The following FKTN variants were observed in gnomAD, a reference collection of about 807,000 sequenced individuals.
The protein encoded by FKTN is fukutin, also known as ribitol-5-phosphate transferase FKTN.
Under a neutral mutation model 58.6 loss-of-function variants are expected in FKTN, and 47 were observed. The ratio of observed to expected loss-of-function variants is 0.80; its 90% CI spans 0.63 to 1.02. The LOEUF (loss-of-function observed/expected upper bound fraction) is 1.02. Ranked by LOEUF, FKTN falls within the 50% of genes least tolerant of loss-of-function variation. FKTN has a pLI of 0.00. For missense variants in FKTN, 516 were observed against 537.3 expected (o/e 0.96, Z 0.39); for synonymous variants, 178 against 191.9 (o/e 0.93, Z 0.60).
At chr9:105,618,489 A>G (rs1048215405) in intron 9 of FKTN, among the ~76,000 whole-genome samples, 1 of 152,208 alleles carries the variant, frequency 6.6e-6, no homozygotes, top group African/African-American at 2.4e-5. Flanking sequence ...GTTTCTCATG[A>G]GTCATTTAAT....
intron 3 of FKTN, among the ~76,000 whole-genome samples, chr9:105,577,929 C>G (rs1842060128): frequency 6.6e-6 from 1 of 151,430 alleles, no homozygotes; most frequent in South Asian, 2.1e-4. Flanking sequence ...CTCTTTGAAG[C>G]AATTATGAAT....
chr9:105,578,909 G>A (rs1356173338), intron 3 of FKTN, among the ~76,000 whole-genome samples: 1 of 151,900 alleles, frequency 6.6e-6, no homozygotes, highest in African/African-American at 2.4e-5. Context: ...GAGAGTGTAT[G>A]TGTCAAGGAA....
At chr9:105,627,966 T>C (rs1433362138) in intron 10 of FKTN, among the ~76,000 whole-genome samples, 2 of 152,170 alleles carry the variant, frequency 1.3e-5, no homozygotes, top group African/African-American at 4.8e-5. Context: ...CCTAACGTGG[T>C]TGGAGAATTA....
intron 7 of FKTN, among the ~76,000 whole-genome samples, chr9:105,613,489 G>A (rs1373880634): frequency 6.6e-6 from 1 of 152,120 alleles, no homozygotes; most frequent in African/African-American, 2.4e-5. Flanking sequence ...CTACTATATT[G>A]TAAAAGAATT....
chr9:105,634,094 AG>A (rs1197931092), intron 10 of FKTN, among the ~76,000 whole-genome samples: 1 of 152,022 alleles, frequency 6.6e-6, no homozygotes, highest in Non-Finnish European at 1.5e-5. Flanking sequence ...CTTGATCCAA[AG>A]GATCTTTAAG....
chr9:105,569,150 C>G (rs116702766), intron 1 of FKTN, among the ~76,000 whole-genome samples: 3,842 of 151,946 alleles, frequency 0.025, 181 homozygotes, highest in African/African-American at 0.088. Context: ...GGGATGGGAG[C>G]AAGGGGGAGG....
intron 5 of FKTN, 61 bp downstream of exon 5, chr9:105,601,409 G>A: frequency 8.3e-7 from 1 of 1,202,652 alleles, no homozygotes; most frequent in South Asian, 1.3e-5. Context: ...TATAGGTTTA[G>A]GCTAGTTTAA....
chr9:105,619,875 G>C, intron 9 of FKTN, 59 bp from the exon 10 acceptor site: 1 of 1,445,582 alleles, frequency 6.9e-7, no homozygotes. Flanking sequence ...TTTAAAAAAA[G>C]GTTTTTAAAA....
chr9:105,576,463 C>T (rs1002150205), intron 3 of FKTN, among the ~76,000 whole-genome samples: 7 of 150,850 alleles, frequency 4.6e-5, no homozygotes, highest in East Asian at 3.9e-4. Flanking sequence ...TGATGATTTC[C>T]AATTTCATCC....
At position 105,639,301 on chromosome 9, in the gene FKTN, C is replaced by G; in HGVS notation, c.*4037C>G. 1.0e-6 allele frequency: 1 copy of G among 984,356 alleles called. No homozygotes were observed. Among genetic ancestry groups the G allele is most frequent in the African/African-American group, 1.7e-5 (1 of 57,330 alleles). The allele number at this position is 984,356 out of a possible 1,614,324, so 61.0% of individuals were successfully genotyped here. On this transcript the variant is annotated 3_prime_UTR_variant, in exon 11 of 11. Transcript: ENST00000357998. ...CTGGGCTAGATCACCTCTAACATCT[C>G]ACTCAGGGAAGGCAATGTGTTGCCA...
intron 6 of FKTN, among the ~76,000 whole-genome samples, chr9:105,605,205 CA>C (rs1231896886): frequency 6.6e-6 from 1 of 151,766 alleles, no homozygotes; most frequent in Non-Finnish European, 1.5e-5. Flanking sequence ...ATAATCATAC[CA>C]AAAAAGTTTA....
At chr9:105,575,921 G>A (rs1587872563) in intron 3 of FKTN, among the ~76,000 whole-genome samples, 1 of 152,084 alleles carries the variant, frequency 6.6e-6, no homozygotes, top group African/African-American at 2.4e-5. Context: ...CAGAAGCTTT[G>A]AATAGGCTGT....
chr9:105,569,269 C>T (rs993274715), intron 1 of FKTN, among the ~76,000 whole-genome samples: 1 of 151,762 alleles, frequency 6.6e-6, no homozygotes, highest in African/African-American at 2.4e-5. Context: ...GCACATGTAC[C>T]CTAGAGCTTA....
In FKTN at chr9:105,635,293, C is replaced by G. The variant is rs373769463; in HGVS notation, c.*29C>G. 3.0e-5 allele frequency: 49 copies of G among 1,611,516 alleles called. No homozygotes were observed. Among genetic ancestry groups the G allele is most frequent in the African/African-American group, 4.0e-5 (3 of 74,596 alleles). On this transcript the variant is annotated 3_prime_UTR_variant, in exon 11 of 11. Coordinates refer to ENST00000357998, the MANE Select transcript of FKTN (RefSeq NM_001079802.2). ...AGTAGGTTGAAATGGGAGAATTTCT[C>G]TTTTGGAAAAAAAGGTAGATAACTG...
intron 1 of FKTN, among the ~76,000 whole-genome samples, chr9:105,573,097 T>C (rs772383313): frequency 1.3e-5 from 2 of 151,996 alleles, no homozygotes; most frequent in Non-Finnish European, 2.9e-5. Flanking sequence ...TAGCCGAGTG[T>C]GGTGGCAGGC....
Position 105,636,976 on chromosome 9 carries a change from G to A in FKTN, c.*1712G>A. The A allele has an allele frequency of 2.0e-6, 2 of 1,012,830 alleles. No homozygotes were observed. The highest frequency in any genetic ancestry group is 2.4e-6 in the Non-Finnish European group (2 of 843,338). 62.7% of individuals were successfully genotyped at this position (1,012,830 alleles called of 1,614,324 possible). On this transcript the variant is annotated 3_prime_UTR_variant, in exon 11 of 11. Coordinates refer to ENST00000357998, the MANE Select transcript of FKTN (RefSeq NM_001079802.2). ...TCATAAATAACATGAGTGGTTTCTGGAGACATTTAAGATTGTCAGCAAACT... is the reference window on the plus strand; with the variant it reads ...TCATAAATAACATGAGTGGTTTCTGAAGACATTTAAGATTGTCAGCAAACT...
At chr9:105,617,193 C>G (rs1464471683) in intron 8 of FKTN, among the ~76,000 whole-genome samples, 3 of 152,164 alleles carry the variant, frequency 2.0e-5, no homozygotes, top group Admixed American at 2.0e-4. Flanking sequence ...CATTTATTTA[C>G]TTTTGAAATA....
intron 1 of FKTN, among the ~76,000 whole-genome samples, chr9:105,567,828 T>C (rs1333844463): frequency 2.0e-5 from 3 of 152,158 alleles, no homozygotes; most frequent in East Asian, 1.9e-4. Flanking sequence ...GAGCCCGCCT[T>C]GCCAAGTCAA....
At chr9:105,609,816 A>G (rs1412613601) in intron 7 of FKTN, among the ~76,000 whole-genome samples, 1 of 152,134 alleles carries the variant, frequency 6.6e-6, no homozygotes, top group Non-Finnish European at 1.5e-5. Context: ...TGATATTCAC[A>G]TTGTTCACCT....
Sources: gnomAD v4.1 joint callset for allele counts (sites outside exome capture counted in the v4.1 genomes callset) on GRCh38, gnomAD v4.1.1 for gene constraint, MANE v1.5 for transcripts, NCBI Gene and HGNC (gene_info 2026-07-23, HGNC 2026-07-21) for gene names.